Variants in HIBADH observed in about 807,000 individuals in gnomAD.
HIBADH encodes the protein 3-hydroxyisobutyrate dehydrogenase, mitochondrial.
Under a neutral mutation model 36.1 loss-of-function variants are expected in HIBADH, and 25 were observed. That is an observed-to-expected ratio of 0.69 (90% CI 0.50 to 0.97). The LOEUF (loss-of-function observed/expected upper bound fraction) is 0.97, where lower values mean the gene tolerates loss of function less well. Among genes scored for constraint, HIBADH ranks in the 50% least tolerant of loss-of-function variants. The pLI, the probability that HIBADH is intolerant of heterozygous loss-of-function variation, is 0.00. For synonymous variants in HIBADH, 160 were observed against 149.5 expected, an observed-to-expected ratio of 1.07 and a Z score of -0.51; for missense variants, 421 against 418.0, an observed-to-expected ratio of 1.01 and a Z score of -0.06.
At chr7:27,626,032 G>C (rs1412447512) in intron 4 of HIBADH, among the ~76,000 whole-genome samples, 2 of 147,574 alleles carry the variant, frequency 1.4e-5, no homozygotes, top group Non-Finnish European at 3.0e-5. Context: ...GACCCTGGGA[G>C]GCAGAGGTTG....
intron 1 of HIBADH, 90 bp from the exon 2 acceptor site, chr7:27,649,723 T>C (rs981849297): frequency 6.3e-6 from 8 of 1,270,542 alleles, no homozygotes; most frequent in Middle Eastern, 1.9e-4. Flanking sequence ...TGTTAGATTT[T>C]TTTTTTTTAA....
At chr7:27,554,278 G>A (rs536650467) in intron 4 of HIBADH, among the ~76,000 whole-genome samples, 9 of 152,154 alleles carry the variant, frequency 5.9e-5, no homozygotes, top group Non-Finnish European at 8.8e-5. Context: ...GAGCCACCGC[G>A]CCCAGCCAAA....
intron 4 of HIBADH, among the ~76,000 whole-genome samples, chr7:27,558,820 A>G (rs1784428315): frequency 1.3e-5 from 2 of 152,240 alleles, no homozygotes; most frequent in South Asian, 4.1e-4. Flanking sequence ...TTTTTTATGT[A>G]AAATGTTCTC....
intron 4 of HIBADH, among the ~76,000 whole-genome samples, chr7:27,568,079 A>C (rs1784574339): frequency 1.3e-5 from 2 of 152,190 alleles, no homozygotes. Flanking sequence ...CATATTTTTA[A>C]GAACTTAAAA....
intron 4 of HIBADH, among the ~76,000 whole-genome samples, chr7:27,604,835 T>C (rs1785191365): frequency 6.6e-6 from 1 of 152,100 alleles, no homozygotes; most frequent in African/African-American, 2.4e-5. Flanking sequence ...TGCTTTTAAG[T>C]GGGAACATCA....
chr7:27,654,654 AATCTCAGGG>A (rs1786263951), intron 1 of HIBADH, among the ~76,000 whole-genome samples: 1 of 151,644 alleles, frequency 6.6e-6, no homozygotes, highest in African/African-American at 2.4e-5. Flanking sequence ...GGTATGAATC[AATCTCAGGG>A]GTATGATGAT....
intron 4 of HIBADH, among the ~76,000 whole-genome samples, chr7:27,560,771 G>C (rs1784452666): frequency 6.6e-6 from 1 of 152,140 alleles, no homozygotes; most frequent in Non-Finnish European, 1.5e-5. Context: ...GTTACTATGA[G>C]TACTGCTGCT....
chr7:27,567,341 ATCTTTTTC>A (rs1784560410), intron 4 of HIBADH, among the ~76,000 whole-genome samples: 1 of 152,148 alleles, frequency 6.6e-6, no homozygotes, highest in African/African-American at 2.4e-5. Context: ...TACATGGTAT[ATCTTTTTC>A]TATACTTTTA....
intron 4 of HIBADH, among the ~76,000 whole-genome samples, chr7:27,556,082 G>A (rs982277924): frequency 6.6e-6 from 1 of 152,068 alleles, no homozygotes; most frequent in South Asian, 2.1e-4. Context: ...ATAAATTACA[G>A]TATTTGAAAA....
At chr7:27,661,008 T>C (rs928740422) in intron 1 of HIBADH, among the ~76,000 whole-genome samples, 2 of 152,218 alleles carry the variant, frequency 1.3e-5, no homozygotes, top group African/African-American at 2.4e-5. Context: ...CCTTGGCTAA[T>C]GGGAACTGAA....
chr7:27,555,971 T>C (rs1784383259), intron 4 of HIBADH, among the ~76,000 whole-genome samples: 1 of 152,154 alleles, frequency 6.6e-6, no homozygotes, highest in South Asian at 2.1e-4. Context: ...GCATACTAAA[T>C]AAACACCTTC....
chr7:27,628,255 A>T (rs1785683386), intron 4 of HIBADH, among the ~76,000 whole-genome samples: 1 of 152,050 alleles, frequency 6.6e-6, no homozygotes, highest in Non-Finnish European at 1.5e-5. Flanking sequence ...TTATTCCTCC[A>T]CCTATATTCA....
chr7:27,607,507 T>C (rs1785251071), intron 4 of HIBADH, among the ~76,000 whole-genome samples: 1 of 151,738 alleles, frequency 6.6e-6, no homozygotes, highest in African/African-American at 2.4e-5. Context: ...AGACTTTGTC[T>C]CAAAAAAAAA....
intron 4 of HIBADH, among the ~76,000 whole-genome samples, chr7:27,607,040 T>C (rs1477818720): frequency 2.6e-5 from 4 of 152,316 alleles, no homozygotes; most frequent in Middle Eastern, 6.8e-3. Context: ...CTTTTCCTAT[T>C]AGCTTGAAAT....
At position 27,552,043 on chromosome 7, in the gene HIBADH, T is replaced by A. The variant is rs377121825; in HGVS notation, c.485-8943A>T. ...GGCGACAGCTGGGACAGAAAGCTGCTACTCAACGAACAATATAATCCCGTG... is the reference window on the plus strand; with the variant it reads ...GGCGACAGCTGGGACAGAAAGCTGCAACTCAACGAACAATATAATCCCGTG... On this transcript the variant is annotated intron_variant, in intron 4 of 7. Transcript: ENST00000265395. 3.8e-4 allele frequency among the ~76,000 whole-genome samples: 58 copies of A among 152,362 alleles called. No homozygotes were observed. In the South Asian group the frequency reaches 0.012, roughly 32 times the overall value.
chr7:27,552,152 G>A (rs566671557), intron 4 of HIBADH, among the ~76,000 whole-genome samples: 1 of 152,082 alleles, frequency 6.6e-6, no homozygotes, highest in Non-Finnish European at 1.5e-5. Flanking sequence ...AAAGATTGCC[G>A]TGCACAATCA....
chr7:27,632,538 A>G, intron 2 of HIBADH, 93 bp from the exon 3 acceptor site: 1 of 720,704 alleles, frequency 1.4e-6, no homozygotes, highest in Non-Finnish European at 2.4e-6. Context: ...CATGCCTATA[A>G]CAGTGACAGT....
At chr7:27,559,253 T>G (rs1195254141) in intron 4 of HIBADH, among the ~76,000 whole-genome samples, 1 of 152,198 alleles carries the variant, frequency 6.6e-6, no homozygotes, top group Admixed American at 6.5e-5. Context: ...GATGGTCATA[T>G]TCTGAGATAC....
At chr7:27,661,144 A>G (rs1583627443) in intron 1 of HIBADH, among the ~76,000 whole-genome samples, 2 of 152,184 alleles carry the variant, frequency 1.3e-5, no homozygotes. Context: ...GTTACATTCA[A>G]GTTTGGCATA....
Sources: allele counts gnomAD v4.1 joint callset (sites outside exome capture counted in the v4.1 genomes callset), GRCh38; gene constraint gnomAD v4.1.1; transcripts MANE v1.5; gene names NCBI Gene and HGNC (gene_info 2026-07-23, HGNC 2026-07-21).